Variants in AGFG1 observed in about 807,000 individuals in gnomAD.
AGFG1 encodes ArfGAP with FG repeats 1.
In AGFG1, 10 loss-of-function variants were observed where a neutral mutation model predicts 60.6. That is an observed-to-expected ratio of 0.16 (90% CI 0.10 to 0.28). The LOEUF is 0.28. AGFG1 is among the 10% of genes least tolerant of loss of function. The pLI is 1.00. For missense variants in AGFG1, 537 were observed against 676.5 expected (o/e 0.79, Z 2.29); for synonymous variants, 247 against 242.9 (o/e 1.02, Z -0.16).
chr2:227,522,635 A>G (rs2106207772), intron 3 of AGFG1, among the ~76,000 whole-genome samples: 1 of 152,324 alleles, frequency 6.6e-6, no homozygotes, highest in African/African-American at 2.4e-5. Context: ...AAGGTTTCAC[A>G]GCCATTTAGT....
At chr2:227,494,565 G>A (rs2106172946) in intron 2 of AGFG1, among the ~76,000 whole-genome samples, 1 of 152,290 alleles carries the variant, frequency 6.6e-6, no homozygotes, top group African/African-American at 2.4e-5. Flanking sequence ...GAGCTGTGGG[G>A]CATGTTTGGT....
chr2:227,487,467 A>T (rs1304371167), intron 1 of AGFG1, among the ~76,000 whole-genome samples: 1 of 152,192 alleles, frequency 6.6e-6, no homozygotes, highest in East Asian at 1.9e-4. Context: ...GCACAATTGT[A>T]AGTGCATAAT....
chr2:227,551,798 A>T (rs191845505), intron 10 of AGFG1, among the ~76,000 whole-genome samples, 161 bp from the exon 11 acceptor site: 46 of 152,332 alleles, frequency 3.0e-4, no homozygotes, highest in African/African-American at 1.1e-3. Flanking sequence ...ACTGTGTAGC[A>T]CTAAAACTCA....
intron 2 of AGFG1, among the ~76,000 whole-genome samples, chr2:227,500,783 TTAAA>T (rs1369039401): frequency 1.3e-5 from 2 of 151,838 alleles, no homozygotes; most frequent in African/African-American, 4.8e-5. Flanking sequence ...TTAAATTAAA[TTAAA>T]TTAAAAAAAA....
chr2:227,506,054 T>C (rs1277916080), intron 2 of AGFG1, among the ~76,000 whole-genome samples: 1 of 152,206 alleles, frequency 6.6e-6, no homozygotes, highest in Non-Finnish European at 1.5e-5. Context: ...TAATATGTTT[T>C]TGAATATAAG....
At chr2:227,520,978 G>A (rs910024478) in intron 3 of AGFG1, among the ~76,000 whole-genome samples, 1 of 152,148 alleles carries the variant, frequency 6.6e-6, no homozygotes, top group Non-Finnish European at 1.5e-5. Context: ...TACAGCAGAG[G>A]TCTTTACCTT....
intron 12 of AGFG1, 91 bp from the exon 13 acceptor site, chr2:227,554,345 A>G (rs1575122399): frequency 9.3e-7 from 1 of 1,073,226 alleles, no homozygotes; most frequent in East Asian, 2.6e-5. Flanking sequence ...AAAAAGTCTA[A>G]TTAAAAAAAT....
At chr2:227,501,364 A>C (rs1376736045) in intron 2 of AGFG1, among the ~76,000 whole-genome samples, 1 of 152,218 alleles carries the variant, frequency 6.6e-6, no homozygotes, top group East Asian at 1.9e-4. Context: ...TATAGGCATG[A>C]GCCATTGGGC....
At chr2:227,531,829 A>C (rs1207316052) in intron 6 of AGFG1, among the ~76,000 whole-genome samples, 1 of 152,174 alleles carries the variant, frequency 6.6e-6, no homozygotes, top group Non-Finnish European at 1.5e-5. Flanking sequence ...AGAGCTAAAA[A>C]TGTAAGTAAT....
chr2:227,497,730 GTTTTGTTTTTTTTTTTTTT>G (rs1256557379), intron 2 of AGFG1, among the ~76,000 whole-genome samples: 1 of 38,940 alleles, frequency 2.6e-5, no homozygotes, highest in Non-Finnish European at 5.4e-5. Context: ...TTTCTTTCTT[GTTTTGTTTTTTTTTTTTTT>G]TTTTTTTTTT....
intron 2 of AGFG1, among the ~76,000 whole-genome samples, chr2:227,496,532 C>T (rs1221581851): frequency 6.6e-6 from 1 of 152,160 alleles, no homozygotes; most frequent in Non-Finnish European, 1.5e-5. Context: ...TCCTGTCCTC[C>T]CCTTGCAGTC....
intron 3 of AGFG1, among the ~76,000 whole-genome samples, chr2:227,520,508 G>A (rs1691793763): frequency 6.6e-6 from 1 of 152,062 alleles, no homozygotes; most frequent in African/African-American, 2.4e-5. Context: ...GTCTGTTGTA[G>A]CCTTTGCTCA....
intron 1 of AGFG1, among the ~76,000 whole-genome samples, chr2:227,486,588 ATATT>A (rs143544008): frequency 0.036 from 5,448 of 152,192 alleles, 132 homozygotes; most frequent in Non-Finnish European, 0.045. Context: ...ATTTTAATAT[ATATT>A]CTATATGGAT....
intron 5 of AGFG1, 66 bp downstream of exon 5, chr2:227,524,981 T>A (rs571699291): frequency 6.4e-7 from 1 of 1,567,194 alleles, no homozygotes; most frequent in African/African-American, 1.4e-5. Context: ...CATCAATTCT[T>A]TATCACACTT....
intron 10 of AGFG1, chr2:227,550,031 C>T (rs765276675): frequency 3.2e-5 from 14 of 435,096 alleles, no homozygotes; most frequent in Middle Eastern, 3.4e-4. Flanking sequence ...AATTAATTGA[C>T]GTTGGTCTCT....
At chr2:227,518,800 T>G (rs1691735716) in intron 2 of AGFG1, among the ~76,000 whole-genome samples, 1 of 152,168 alleles carries the variant, frequency 6.6e-6, no homozygotes, top group Non-Finnish European at 1.5e-5. Context: ...CATTTTAATT[T>G]GCATTTTATG....
rs1471652433 is a variant in AGFG1, at chr2:227,561,189, A to G, written c.*6694A>G. The G allele has an allele frequency of 6.6e-6, 1 of 152,116 alleles. No individual in the cohort carries two copies. Among genetic ancestry groups the G allele is most frequent in the Non-Finnish European group, 1.5e-5 (1 of 67,966 alleles). 9.4% of individuals were successfully genotyped at this position (152,116 alleles called of 1,614,324 possible). On this transcript the variant is annotated 3_prime_UTR_variant, in exon 13 of 13. Transcript: ENST00000310078. ...AAATACTGTTGGAAGAATTTTTTTC[A>G]AAATAAAGACTTCTGAATTTGTGTA... is the stretch of plus-strand genomic sequence containing the variant.
intron 10 of AGFG1, among the ~76,000 whole-genome samples, chr2:227,545,075 C>A (rs1262671538): frequency 6.6e-6 from 1 of 152,182 alleles, no homozygotes; most frequent in African/African-American, 2.4e-5. Flanking sequence ...TTCCATTCTC[C>A]CCGTCACTTT....
At chr2:227,516,046 A>T (rs927853490) in intron 2 of AGFG1, among the ~76,000 whole-genome samples, 1 of 152,226 alleles carries the variant, frequency 6.6e-6, no homozygotes, top group Non-Finnish European at 1.5e-5. Flanking sequence ...AAAGCTGTGT[A>T]TAGTTTGAAT....
Sources: gnomAD v4.1 joint callset for allele counts (sites outside exome capture counted in the v4.1 genomes callset) on GRCh38, gnomAD v4.1.1 for gene constraint, MANE v1.5 for transcripts, NCBI Gene and HGNC (gene_info 2026-07-23, HGNC 2026-07-21) for gene names.